The following FAAH2 variants were observed in gnomAD, a reference collection of about 807,000 sequenced individuals.
FAAH2 encodes the protein fatty-acid amide hydrolase 2.
In FAAH2, 60 loss-of-function variants were observed where a neutral mutation model predicts 36.9. The observed-to-expected ratio is 1.63, with a 90% CI of 1.32 to 2.02. FAAH2 has a LOEUF of 2.02. Among genes scored for constraint, FAAH2 ranks in the 30% most tolerant of loss-of-function variants. FAAH2 has a pLI of 0.00. For synonymous variants in FAAH2, 214 were observed against 143.8 expected, an observed-to-expected ratio of 1.49 and a Z score of -3.49; for missense variants, 689 against 397.5, an observed-to-expected ratio of 1.73 and a Z score of -6.23.
intron 7 of FAAH2, chrX:57,393,426 C>T: frequency 2.5e-6 from 2 of 794,776 alleles, no homozygotes; most frequent in Admixed American, 4.4e-5. Context: ...ATTCCAATGT[C>T]TGCTCCAAAT....
chrX:57,225,794 ATTGTT>A, the FAAH2 span, among the ~76,000 whole-genome samples: 2 of 111,827 alleles, frequency 1.8e-5, no homozygotes, highest in South Asian at 7.4e-4. Flanking sequence ...TCTATTAGTA[ATTGTT>A]TTATAAATTT....
chrX:57,292,043 T>C (rs1447951348), intron 1 of FAAH2, among the ~76,000 whole-genome samples: 2 of 111,425 alleles, frequency 1.8e-5, no homozygotes, highest in South Asian at 3.7e-4. Context: ...TCCTGTATTT[T>C]ATCTGGAAAC....
chrX:57,254,445 C>T, the FAAH2 span, among the ~76,000 whole-genome samples: 10 of 111,981 alleles, frequency 8.9e-5, no homozygotes, highest in Non-Finnish European at 3.8e-5. Flanking sequence ...CTATAGAACT[C>T]TCCACTCCAA....
intron 3 of FAAH2, among the ~76,000 whole-genome samples, chrX:57,313,743 G>A (rs771058972): frequency 9.2e-4 from 102 of 110,797 alleles, no homozygotes; most frequent in African/African-American, 3.3e-3. Context: ...CCTTACATGA[G>A]GCCCTTAAGG....
intron 10 of FAAH2, among the ~76,000 whole-genome samples, chrX:57,479,411 G>A (rs749941788): frequency 9.0e-6 from 1 of 111,450 alleles, no homozygotes; most frequent in African/African-American, 3.3e-5. Flanking sequence ...GGGTTTTCTA[G>A]ATATACAATC....
At chrX:57,261,543 A>G in the FAAH2 span, among the ~76,000 whole-genome samples, 1 of 84,688 alleles carries the variant, frequency 1.2e-5, no homozygotes, top group African/African-American at 4.5e-5. Flanking sequence ...ACAGAGCGAG[A>G]CTCTGTCTCA....
Position 57,310,662 on chromosome X carries a change from C to T in FAAH2, c.345C>T (p.Ala115=). The T allele has an allele frequency of 8.3e-7, 1 of 1,208,631 alleles. No homozygotes were observed. ...QKLAEKQEDE[A]TLENKWPFLG... Reference sequence around the variant, plus strand: ...TTGCAGAGAAGCAGGAAGATGAAGCCACCCTGGAAAATAAATGGCCCTTCC... The same window carrying T: ...TTGCAGAGAAGCAGGAAGATGAAGCTACCCTGGAAAATAAATGGCCCTTCC... Residue 115 remains alanine (A), a synonymous_variant, in exon 3 of 11, where the codon GCC becomes GCT. Transcript: ENST00000374900.
chrX:57,463,936 A>C (rs987603134), intron 10 of FAAH2, among the ~76,000 whole-genome samples: 1 of 111,474 alleles, frequency 9.0e-6, no homozygotes, highest in African/African-American at 3.3e-5. Flanking sequence ...TCATTCTACT[A>C]TAAAGACAGA....
At chrX:57,139,277 T>A in the FAAH2 span, among the ~76,000 whole-genome samples, 4 of 112,556 alleles carry the variant, frequency 3.6e-5, no homozygotes, top group East Asian at 1.1e-3. Flanking sequence ...TGTGTATGGA[T>A]ACCCAGTTTT....
intron 7 of FAAH2, among the ~76,000 whole-genome samples, chrX:57,400,347 A>G (rs781328069): frequency 1.9e-4 from 21 of 112,087 alleles, no homozygotes; most frequent in Admixed American, 4.7e-4. Flanking sequence ...CCACTACATC[A>G]ATTTCCTTAC....
chrX:57,282,904 T>G (rs1352572614), upstream of FAAH2, among the ~76,000 whole-genome samples: 2 of 112,249 alleles, frequency 1.8e-5, no homozygotes, highest in East Asian at 2.8e-4. Context: ...AGCACAACCT[T>G]GTGGTGAGCT....
chrX:57,331,651 G>T lies in FAAH2; in HGVS notation c.466G>T (p.Asp156Tyr), dbSNP rs1210830744. ...CCGTCGTGATGCCATTGCCAAAACA[G>T]ATGCCACTGTGGTGGCATTACTGAA... ...MNRRDAIAKT[D>Y]ATVVALLKGA... is the part of the protein sequence containing the mutation. Residue 156 changes from aspartate to tyrosine, a missense_variant, in exon 4 of 11, where the codon GAT becomes TAT. Asp to Tyr is a radical substitution (Grantham distance 160). Coordinates refer to ENST00000374900, the MANE Select transcript of FAAH2 (RefSeq NM_174912.4). The T allele has an allele frequency of 8.3e-7, 1 of 1,209,696 alleles. No individual in the cohort carries two copies. The highest frequency in any genetic ancestry group is 1.7e-5 in the African/African-American group (1 of 57,175).
the FAAH2 span, among the ~76,000 whole-genome samples, chrX:57,200,710 A>G: frequency 9.0e-6 from 1 of 111,356 alleles, no homozygotes; most frequent in Non-Finnish European, 1.9e-5. Flanking sequence ...TTTCATTTCT[A>G]TTCATATCTT....
At chrX:57,232,401 T>C in the FAAH2 span, among the ~76,000 whole-genome samples, 1 of 111,740 alleles carries the variant, frequency 8.9e-6, no homozygotes, top group Admixed American at 9.5e-5. Flanking sequence ...AGTGGATAAA[T>C]GGAAAGTAGT....
chrX:57,386,190 A>T, intron 7 of FAAH2, among the ~76,000 whole-genome samples: 1 of 111,791 alleles, frequency 8.9e-6, no homozygotes, highest in Non-Finnish European at 1.9e-5. Flanking sequence ...GAAAGAAATC[A>T]TAGAAAATAC....
chrX:57,239,416 G>A, the FAAH2 span, among the ~76,000 whole-genome samples: 1 of 110,829 alleles, frequency 9.0e-6, no homozygotes, highest in Non-Finnish European at 1.9e-5. Context: ...TGAAGAATTT[G>A]CAAGTTTCTT....
chrX:57,167,902 G>C, the FAAH2 span, among the ~76,000 whole-genome samples: 1 of 111,522 alleles, frequency 9.0e-6, no homozygotes, highest in Non-Finnish European at 1.9e-5. Context: ...CCTGTCATTA[G>C]AGTCATAAAC....
At chrX:57,187,338 G>A in the FAAH2 span, among the ~76,000 whole-genome samples, 127 of 110,457 alleles carry the variant, frequency 1.1e-3, no homozygotes, top group Admixed American at 4.0e-3. Context: ...TTGTGAATGG[G>A]GGTTCACTCA....
intron 10 of FAAH2, among the ~76,000 whole-genome samples, chrX:57,473,377 G>C (rs2057205583): frequency 9.0e-6 from 1 of 111,441 alleles, no homozygotes; most frequent in African/African-American, 3.3e-5. Context: ...TTATTCCACT[G>C]TGGTCTGAGA....
Sources: gnomAD v4.1 joint callset for allele counts (sites outside exome capture counted in the v4.1 genomes callset) on GRCh38, gnomAD v4.1.1 for gene constraint, MANE v1.5 for transcripts, NCBI Gene and HGNC (gene_info 2026-07-23, HGNC 2026-07-21) for gene names.